KLHL36: variants seen among roughly 807,000 people sequenced by gnomAD.
KLHL36 encodes the protein kelch like family member 36.
Under a neutral mutation model 53.3 loss-of-function variants are expected in KLHL36, and 35 were observed. That is an observed-to-expected ratio of 0.66 (90% CI 0.50 to 0.87). The LOEUF (loss-of-function observed/expected upper bound fraction) is 0.87, where lower values mean the gene tolerates loss of function less well. Ranked by LOEUF, KLHL36 falls within the 40% of genes least tolerant of loss-of-function variation. The probability of loss-of-function intolerance (pLI) is 0.00; values close to 1 mark genes in which losing one functional copy is unlikely to be tolerated. For synonymous variants in KLHL36, 472 were observed against 398.9 expected, an observed-to-expected ratio of 1.18 and a Z score of -2.18; for missense variants, 864 against 897.6, an observed-to-expected ratio of 0.96 and a Z score of 0.48.
intron 4 of KLHL36, among the ~76,000 whole-genome samples, chr16:84,660,978 C>T (rs1260503670): frequency 1.3e-5 from 2 of 152,170 alleles, no homozygotes; most frequent in African/African-American, 4.8e-5. Context: ...TTCCCACTTC[C>T]TGGCACAGTT....
At position 84,657,005 on chromosome 16, in the gene KLHL36, G is replaced by T. The variant is rs1240231882; in HGVS notation, c.198G>T (p.Val66=). The T allele has an allele frequency of 3.1e-6, 5 of 1,614,154 alleles. No individual in the cohort carries two copies. Among genetic ancestry groups the T allele is most frequent in the Non-Finnish European group, 3.4e-6 (4 of 1,180,044 alleles). ...CAGCCCATCGCAACCTGCTGGCCGTGTGCAGCGACTACTTCAACTCCATGT... is the reference window on the plus strand; with the variant it reads ...CAGCCCATCGCAACCTGCTGGCCGTTTGCAGCGACTACTTCAACTCCATGT... ...RVPAHRNLLA[V]CSDYFNSMFT... The change falls in exon 3 of 5, where the codon GTG becomes GTT. Residue 66 remains valine, a synonymous_variant. Transcript: ENST00000564996.
chr16:84,658,168 C>G, intron 3 of KLHL36: 1 of 421,926 alleles, frequency 2.4e-6, no homozygotes, highest in South Asian at 6.8e-5. Context: ...CAGAGCAGCA[C>G]TGCCTGGCGG....
chr16:84,654,522 C>G (rs1428323300), intron 2 of KLHL36, among the ~76,000 whole-genome samples: 2 of 152,224 alleles, frequency 1.3e-5, no homozygotes, highest in African/African-American at 2.4e-5. Context: ...TATGGTGGCA[C>G]ACACCTGTAG....
intron 4 of KLHL36, 84 bp downstream of exon 4, chr16:84,660,001 A>C (rs530490458): frequency 4.6e-6 from 6 of 1,307,880 alleles, no homozygotes; most frequent in African/African-American, 1.5e-5. Flanking sequence ...CTTTCTGGGC[A>C]TGTTGGCCTC....
chr16:84,648,683 G>A lies in KLHL36; in HGVS notation c.-17+34G>A. The A allele has an allele frequency of 6.8e-6, 1 of 147,962 alleles. No individual in the cohort carries two copies. The highest frequency in any genetic ancestry group is 1.5e-5 in the Non-Finnish European group (1 of 66,158). The allele number at this position is 147,962 out of a possible 1,614,324, so 9.2% of individuals were successfully genotyped here. A position where few individuals can be genotyped will look rare whatever the true frequency, so the allele number is the denominator to read the frequency against. On this transcript the variant is annotated intron_variant, in intron 1 of 4. Coordinates refer to ENST00000564996, the MANE Select transcript of KLHL36 (RefSeq NM_024731.4). The surrounding 1 kb of genome is among the most constrained non-coding windows in gnomAD (Gnocchi z 4.9). ...CCGCGCGCGCCCACCCTCCAGCCCGGGACCGCCAGGAAGCCGCGCCCGGCC... is the reference window on the plus strand; with the variant it reads ...CCGCGCGCGCCCACCCTCCAGCCCGAGACCGCCAGGAAGCCGCGCCCGGCC...
Position 84,657,640 on chromosome 16 carries a change from C to T in KLHL36, c.833C>T (p.Ala278Val), listed in dbSNP as rs761195127. The change falls in exon 3 of 5, where the codon GCG becomes GTG. Residue 278 changes from alanine to valine, a missense_variant. By Grantham distance (64) the Ala-to-Val change is moderately conservative (BLOSUM62 0). Coordinates refer to ENST00000564996, the MANE Select transcript of KLHL36 (RefSeq NM_024731.4). ...GCCGTGCGCTACCACAACAACCTGGCGGCCCAGCCCGTCATGCAGACCAAG... is the reference window on the plus strand; with the variant it reads ...GCCGTGCGCTACCACAACAACCTGGTGGCCCAGCCCGTCATGCAGACCAAG... ...EEAVRYHNNL[A>V]AQPVMQTKRT... The T allele has an allele frequency of 1.3e-5, 21 of 1,611,666 alleles. No individual in the cohort carries two copies. The highest frequency in any genetic ancestry group is 1.7e-5 in the Non-Finnish European group (20 of 1,179,550).
intron 2 of KLHL36, among the ~76,000 whole-genome samples, chr16:84,656,035 G>A (rs1907180399): frequency 1.3e-5 from 2 of 151,900 alleles, no homozygotes; most frequent in Non-Finnish European, 2.9e-5. Context: ...TGGGACTACA[G>A]GCGAATGCCA....
At position 84,661,923 on chromosome 16, in the gene KLHL36, C is replaced by T. The variant is rs887859923; in HGVS notation, c.1641C>T (p.Arg547=). ...CGGGCGTGGCAGTGTGGGAGGGCCG[C>T]ATCTACATCCTGGGCGGCTACAGCT... ...SESGVAVWEG[R]IYILGGYSWE... is the part of the protein sequence containing the mutation. The change falls in exon 5 of 5, where the codon CGC becomes CGT. Residue 547 remains arginine (R), a synonymous_variant. Transcript: ENST00000564996. The surrounding 1 kb of genome is among the most constrained non-coding windows in gnomAD (Gnocchi z 7.9). The T allele has an allele frequency of 6.2e-7, 1 of 1,601,610 alleles. No individual in the cohort carries two copies. Among genetic ancestry groups the T allele is most frequent in the Admixed American group, 1.7e-5 (1 of 58,278 alleles).
intron 2 of KLHL36, among the ~76,000 whole-genome samples, chr16:84,656,457 A>G (rs1368785746): frequency 6.6e-6 from 1 of 151,280 alleles, no homozygotes; most frequent in East Asian, 2.0e-4. Context: ...TTTAGTAGAG[A>G]CAGGGTTTCA....
intron 2 of KLHL36, among the ~76,000 whole-genome samples, chr16:84,656,631 CAAA>C (rs71151239): frequency 5.6e-5 from 7 of 125,610 alleles, no homozygotes; most frequent in Admixed American, 1.6e-4. Context: ...GGCTCTGTGT[CAAA>C]AAAAAAAAAA....
rs150040885 is a variant in KLHL36 at position 84,657,860 on chromosome 16, C to A, written c.1053C>A (p.Gly351=). The change falls in exon 3 of 5, where the codon GGC becomes GGA. Residue 351 remains glycine (G), a synonymous_variant. Transcript: ENST00000564996. ...TGGGGGGCTTCATCTTCATCGCCGG[C>A]GGCAGCTTCTCACGGGACAACGGAG... ...AVLGGFIFIA[G]GSFSRDNGGD... 6.3e-7 allele frequency: 1 copy of A among 1,591,532 alleles called. No individual in the cohort carries two copies. Among genetic ancestry groups the A allele is most frequent in the Non-Finnish European group, 8.6e-7 (1 of 1,166,324 alleles).
At chr16:84,651,682 A>G (rs1010001373) in intron 2 of KLHL36, among the ~76,000 whole-genome samples, 2 of 152,168 alleles carry the variant, frequency 1.3e-5, no homozygotes, top group African/African-American at 2.4e-5. Context: ...TGGATTCTCA[A>G]TGAGTATGAT....
rs1422837093 is a variant in KLHL36 at position 84,661,504 on chromosome 16, G to C, written c.1296-74G>C. ...TCATGGCCCTCTAAGACGGCAGGCT[G>C]TTCCCCGGCTCGGAGGGGGTAAGCC... On this transcript the variant is annotated intron_variant, in intron 4 of 4. Coordinates refer to ENST00000564996, the MANE Select transcript of KLHL36 (RefSeq NM_024731.4). The surrounding 1 kb of genome is among the most constrained non-coding windows in gnomAD (Gnocchi z 7.9). 9.7e-6 allele frequency: 14 copies of C among 1,446,336 alleles called. No individual in the cohort carries two copies. Among genetic ancestry groups the C allele is most frequent in the Non-Finnish European group, 1.3e-5 (14 of 1,072,002 alleles). The allele number at this position is 1,446,336 out of a possible 1,614,324, so 89.6% of individuals were successfully genotyped here. A position where few individuals can be genotyped will look rare whatever the true frequency, so the allele number is the denominator to read the frequency against.
rs554571240 is a variant in KLHL36, at chr16:84,665,144, G to A, written c.*3011G>A. 3.3e-5 allele frequency: 5 copies of A among 152,322 alleles called. No individual in the cohort carries two copies. In the South Asian group the frequency reaches 1.0e-3, roughly 32 times the overall value. 9.4% of individuals were successfully genotyped at this position (152,322 alleles called of 1,614,324 possible). On this transcript the variant is annotated 3_prime_UTR_variant, in exon 5 of 5. Coordinates refer to ENST00000564996, the MANE Select transcript of KLHL36 (RefSeq NM_024731.4). ...TTAAACTAGAGTGATGAAGGCACAGGTGCTTGCAGGCTGCCATTTTGAGAG... is the reference window on the plus strand; with the variant it reads ...TTAAACTAGAGTGATGAAGGCACAGATGCTTGCAGGCTGCCATTTTGAGAG...
At chr16:84,650,436 A>G (rs1490342927) in intron 1 of KLHL36, among the ~76,000 whole-genome samples, 2 of 152,174 alleles carry the variant, frequency 1.3e-5, no homozygotes, top group Admixed American at 1.3e-4. Flanking sequence ...CTCATCTGTG[A>G]AATGAAATAA....
At chr16:84,655,067 C>G (rs941446327) in intron 2 of KLHL36, among the ~76,000 whole-genome samples, 3 of 152,206 alleles carry the variant, frequency 2.0e-5, no homozygotes, top group Admixed American at 6.5e-5. Flanking sequence ...AAATAGAGAT[C>G]TCCACGTGTG....
chr16:84,660,254 G>T (rs1361356076), intron 4 of KLHL36, among the ~76,000 whole-genome samples: 1 of 152,166 alleles, frequency 6.6e-6, no homozygotes, highest in Non-Finnish European at 1.5e-5. Flanking sequence ...GGGGGTATAT[G>T]TGCTAGATCT....
Position 84,657,613 on chromosome 16 carries a change from A to G in KLHL36, c.806A>G (p.Glu269Gly). 6.2e-7 allele frequency: 1 copy of G among 1,611,456 alleles called. No homozygotes were observed. Among genetic ancestry groups the G allele is most frequent in the Non-Finnish European group, 8.5e-7 (1 of 1,179,762 alleles). ...GCCAACTGCGAGGGCTTCATCGAGG[A>G]GGCCGTGCGCTACCACAACAACCTG... ...KEANCEGFIE[E>G]AVRYHNNLAA... is the part of the protein sequence containing the mutation. The change falls in exon 3 of 5, where the codon GAG (glutamate) becomes GGG (glycine). Residue 269 changes from glutamate (E) to glycine (G), a missense_variant. Glu to Gly is a moderately conservative substitution (Grantham distance 98, BLOSUM62 -2). Transcript: ENST00000564996.
At chr16:84,652,777 T>C (rs1906976306) in intron 2 of KLHL36, among the ~76,000 whole-genome samples, 1 of 152,204 alleles carries the variant, frequency 6.6e-6, no homozygotes. Context: ...TCGGGTACTC[T>C]TGTGTGTGGT....
Sources: gnomAD v4.1 joint callset for allele counts (sites outside exome capture counted in the v4.1 genomes callset) on GRCh38, gnomAD v4.1.1 for gene constraint, Gnocchi (gnomAD v3.1) non-coding constraint, MANE v1.5 for transcripts, NCBI Gene and HGNC (gene_info 2026-07-23, HGNC 2026-07-21) for gene names.